The following CCDC171 variants were observed in gnomAD, a reference collection of about 807,000 sequenced individuals.
The protein encoded by CCDC171 is coiled-coil domain-containing protein 171.
CCDC171 carries 177 observed loss-of-function variants against 168.2 expected under a neutral mutation model. The observed-to-expected ratio is 1.05, with a 90% CI of 0.93 to 1.19. The LOEUF (loss-of-function observed/expected upper bound fraction) is 1.19, where lower values mean the gene tolerates loss of function less well. Ranked by LOEUF, CCDC171 falls within the 50% of genes most tolerant of loss-of-function variation. The pLI is 0.00. For missense variants in CCDC171, 1,991 were observed against 1,539.0 expected, an observed-to-expected ratio of 1.29 and a Z score of -4.91; for synonymous variants, 687 against 540.8, an observed-to-expected ratio of 1.27 and a Z score of -3.75.
chr9:15,681,603 C>G (rs1022696447), intron 10 of CCDC171, among the ~76,000 whole-genome samples: 14 of 151,920 alleles, frequency 9.2e-5, no homozygotes, highest in South Asian at 8.3e-4. Flanking sequence ...AATTACTATT[C>G]TGTCACTTTT....
At chr9:15,648,237 G>C (rs908684612) in intron 7 of CCDC171, among the ~76,000 whole-genome samples, 3 of 152,112 alleles carry the variant, frequency 2.0e-5, no homozygotes, top group African/African-American at 7.2e-5. Context: ...AGGTATTGAT[G>C]GGACGTATCT....
At chr9:16,037,008 G>A (rs1290801783) in intron 8 of CCDC171, among the ~76,000 whole-genome samples, 2 of 152,170 alleles carry the variant, frequency 1.3e-5, no homozygotes, top group Admixed American at 6.5e-5. Context: ...CTAGGAAGGG[G>A]TATGAAGAGG....
chr9:15,772,714 C>T (rs2057077569), intron 18 of CCDC171, among the ~76,000 whole-genome samples: 2 of 152,146 alleles, frequency 1.3e-5, no homozygotes, highest in Non-Finnish European at 2.9e-5. Context: ...GGCATAAAAG[C>T]AGGCAGTGTG....
At chr9:16,063,833 G>C (rs11789332), downstream of CCDC171, among the ~76,000 whole-genome samples, 19,880 of 152,210 alleles carry the variant, frequency 0.13, 1,364 homozygotes, top group Middle Eastern at 0.16. Flanking sequence ...AAGAAGTCAA[G>C]TGACTCACCC....
chr9:15,892,613 A>G (rs1353556516), intron 24 of CCDC171, among the ~76,000 whole-genome samples: 1 of 152,062 alleles, frequency 6.6e-6, no homozygotes, highest in East Asian at 1.9e-4. Flanking sequence ...AGAGTACAAA[A>G]TCGGTGTGCA....
chr9:15,608,833 C>T (rs1205336858), intron 6 of CCDC171, among the ~76,000 whole-genome samples: 1 of 146,862 alleles, frequency 6.8e-6, no homozygotes, highest in South Asian at 2.2e-4. Context: ...TGGCATATAC[C>T]TGTGATCCTG....
the CCDC171 span, among the ~76,000 whole-genome samples, chr9:16,069,367 T>C: frequency 1.3e-5 from 2 of 152,226 alleles, no homozygotes; most frequent in African/African-American, 4.8e-5. Flanking sequence ...CTGGGCCAGG[T>C]AGTATCATCA....
At chr9:15,676,132 G>C (rs756129224) in intron 9 of CCDC171, among the ~76,000 whole-genome samples, 1 of 151,876 alleles carries the variant, frequency 6.6e-6, no homozygotes, top group Non-Finnish European at 1.5e-5. Flanking sequence ...TTGATCTTCA[G>C]TCACTGATAT....
intron 25 of CCDC171, among the ~76,000 whole-genome samples, chr9:15,941,213 G>T (rs536796221): frequency 2.6e-5 from 4 of 152,052 alleles, no homozygotes; most frequent in South Asian, 4.1e-4. Context: ...AACAAAATGA[G>T]TATTTAAATA....
intron 3 of CCDC171, among the ~76,000 whole-genome samples, chr9:15,986,981 C>A (rs936181595): frequency 6.6e-6 from 1 of 152,002 alleles, no homozygotes; most frequent in Non-Finnish European, 1.5e-5. Context: ...CTGAAATAAA[C>A]TCCAGAAAAT....
intron 7 of CCDC171, among the ~76,000 whole-genome samples, chr9:15,636,297 T>C (rs950182272): frequency 1.3e-5 from 2 of 152,190 alleles, no homozygotes; most frequent in African/African-American, 4.8e-5. Flanking sequence ...GGTTATTTTT[T>C]ACAAGATTAC....
At chr9:16,075,511 C>T in the CCDC171 span, among the ~76,000 whole-genome samples, 1 of 152,166 alleles carries the variant, frequency 6.6e-6, no homozygotes, top group Non-Finnish European at 1.5e-5. Context: ...TTATGGTCCT[C>T]AGTCTTTGGG....
chr9:15,567,560 C>G (rs1255544089), intron 2 of CCDC171, among the ~76,000 whole-genome samples: 1 of 152,126 alleles, frequency 6.6e-6, no homozygotes, highest in East Asian at 1.9e-4. Flanking sequence ...TTGAGTTTTC[C>G]TTACATGAAT....
At chr9:15,747,611 G>C (rs1040229101) in intron 18 of CCDC171, among the ~76,000 whole-genome samples, 11 of 152,150 alleles carry the variant, frequency 7.2e-5, no homozygotes, top group African/African-American at 2.7e-4. Flanking sequence ...AGGCACACAG[G>C]GTCTGGACTG....
chr9:15,566,154 T>C (rs933541802), intron 2 of CCDC171, among the ~76,000 whole-genome samples: 3 of 152,202 alleles, frequency 2.0e-5, no homozygotes, highest in East Asian at 1.9e-4. Flanking sequence ...TGTATCTTCA[T>C]TGGTGAAATG....
At chr9:15,613,552 C>A (rs1418305060) in intron 6 of CCDC171, among the ~76,000 whole-genome samples, 1 of 141,612 alleles carries the variant, frequency 7.1e-6, no homozygotes, top group African/African-American at 2.6e-5. Flanking sequence ...CAGATGGAGT[C>A]TCGCTCTGTC....
intron 3 of CCDC171, among the ~76,000 whole-genome samples, chr9:16,018,423 T>C (rs1305807854): frequency 6.6e-6 from 1 of 151,806 alleles, no homozygotes; most frequent in East Asian, 1.9e-4. Flanking sequence ...TAAAAAGAAA[T>C]ATTTTTTTGT....
At chr9:15,598,421 A>G (rs902080034) in intron 6 of CCDC171, among the ~76,000 whole-genome samples, 2 of 152,104 alleles carry the variant, frequency 1.3e-5, no homozygotes, top group Non-Finnish European at 2.9e-5. Flanking sequence ...GCAGTCATTC[A>G]GGAGTAGGTT....
intron 25 of CCDC171, among the ~76,000 whole-genome samples, chr9:15,934,341 G>T (rs1030744868): frequency 2.1e-5 from 3 of 140,090 alleles, no homozygotes; most frequent in African/African-American, 8.1e-5. Flanking sequence ...AGTGAGCTAT[G>T]ATCATGCCAC....
Sources: allele counts gnomAD v4.1 joint callset (sites outside exome capture counted in the v4.1 genomes callset), GRCh38; gene constraint gnomAD v4.1.1; transcripts MANE v1.5; gene names NCBI Gene and HGNC (gene_info 2026-07-23, HGNC 2026-07-21).